HSPG2: variants seen among roughly 807,000 people sequenced by gnomAD.
The protein encoded by HSPG2 is basement membrane-specific heparan sulfate proteoglycan core protein.
HSPG2 carries 278 observed loss-of-function variants against 526.6 expected under a neutral mutation model. The ratio of observed to expected loss-of-function variants is 0.53; its 90% confidence interval spans 0.48 to 0.58. The LOEUF is 0.58. Among genes scored for constraint, HSPG2 ranks in the 20% least tolerant of loss-of-function variants. The pLI, the probability that HSPG2 is intolerant of heterozygous loss-of-function variation, is 0.00. For missense variants in HSPG2, 5,354 were observed against 6,099.5 expected (o/e 0.88, Z 4.07); for synonymous variants, 2,465 against 2,555.4 (o/e 0.96, Z 1.07).
At position 21,854,261 on chromosome 1, in the gene HSPG2, C is replaced by A. The variant is rs749798585; in HGVS notation, c.6371G>T (p.Gly2124Val). 4 of 1,586,924 alleles carry A rather than the reference C, an allele frequency of 2.5e-6. No homozygotes were observed. The highest frequency in any genetic ancestry group is 2.3e-5 in the East Asian group (1 of 43,704). The change falls in exon 50 of 97, where the codon GGC becomes GTC. Residue 2124 changes from glycine (G) to valine (V), a missense_variant. Gly to Val is a moderately radical substitution (Grantham distance 109). Transcript: ENST00000374695. ...CACAGTAATGGAGGCCTCCTTGGGGCCCGATCCATTCTCCACACGGCACAC... is the reference window on the plus strand; with the variant it reads ...CACAGTAATGGAGGCCTCCTTGGGGACCGATCCATTCTCCACACGGCACAC... ...EYVCRVENGSGPKEASITVSV... is the reference protein window; with the variant it reads ...EYVCRVENGSVPKEASITVSV...
At position 21,833,523 on chromosome 1, in the gene HSPG2, C is replaced by A. The variant is rs1169488941; in HGVS notation, c.10922G>T (p.Cys3641Phe). ...CTTGCCCTGGCGGTTAGTGGCGGTGCAGACGTAGGTACCTGCGTCCTGGGG... is the reference window on the plus strand; with the variant it reads ...CTTGCCCTGGCGGTTAGTGGCGGTGAAGACGTAGGTACCTGCGTCCTGGGG... ...VRPQDAGTYV[C>F]TATNRQGKVK... is the part of the protein sequence containing the mutation. The change falls in exon 79 of 97, where the codon TGC becomes TTC. Residue 3641 changes from cysteine (C) to phenylalanine (F), a missense_variant. Transcript: ENST00000374695. The A allele has an allele frequency of 1.2e-6, 2 of 1,613,988 alleles. No homozygotes were observed.
chr1:21,899,787 C>T (rs368453784), intron 1 of HSPG2, among the ~76,000 whole-genome samples: 1 of 152,206 alleles, frequency 6.6e-6, no homozygotes, highest in Admixed American at 6.5e-5. Context: ...CCCCGGGAGA[C>T]GTGTCTGCCC....
At chr1:21,861,534 A>G (rs1051665155) in intron 39 of HSPG2, among the ~76,000 whole-genome samples, 2 of 152,302 alleles carry the variant, frequency 1.3e-5, no homozygotes, top group East Asian at 3.9e-4. Flanking sequence ...AAGCCCAGCT[A>G]AAGTACAGAG....
chr1:21,888,771 G>A (rs751873758), intron 6 of HSPG2: 1 of 1,266,882 alleles, frequency 7.9e-7, no homozygotes, highest in Non-Finnish European at 1.1e-6. Context: ...CGGGAGCTGA[G>A]GGCTGCAGGG....
Position 21,937,195 on chromosome 1 carries a change from G to T in HSPG2, c.23C>A (p.Ala8Glu), listed in dbSNP as rs1431679446. 3.7e-6 allele frequency: 4 copies of T among 1,085,010 alleles called. No homozygotes were observed. Among genetic ancestry groups the T allele is most frequent in the Admixed American group, 7.2e-5 (2 of 27,886 alleles). The allele number at this position is 1,085,010 out of a possible 1,614,324, so 67.2% of individuals were successfully genotyped here. MGWRAAGALLLALLLHGR... is the reference protein window; with the variant it reads MGWRAAGELLLALLLHGR... ...GTGCAGCAGCAGCGCCAGCAGCAGCGCGCCCGCCGCCCGCCACCCCATGGC... is the reference window on the plus strand; with the variant it reads ...GTGCAGCAGCAGCGCCAGCAGCAGCTCGCCCGCCGCCCGCCACCCCATGGC... The change falls in exon 1 of 97, where the codon GCG becomes GAG. Residue 8 changes from alanine (A) to glutamate (E), a missense_variant. Ala to Glu is a moderately radical substitution (Grantham distance 107). Coordinates refer to ENST00000374695, the MANE Select transcript of HSPG2 (RefSeq NM_005529.7).
intron 3 of HSPG2, among the ~76,000 whole-genome samples, chr1:21,892,927 G>A (rs1043949748): frequency 6.6e-6 from 1 of 151,920 alleles, no homozygotes. Flanking sequence ...AAGGACACTG[G>A]TGCAGCCAGC....
chr1:21,914,002 T>C (rs1248735177), intron 1 of HSPG2, among the ~76,000 whole-genome samples: 1 of 152,168 alleles, frequency 6.6e-6, no homozygotes, highest in African/African-American at 2.4e-5. Flanking sequence ...GGCGCTAAGC[T>C]GTGAGTCATT....
intron 17 of HSPG2, 42 bp downstream of exon 17, chr1:21,880,065 T>G: frequency 6.2e-7 from 1 of 1,610,650 alleles, no homozygotes. Context: ...ACATTGTCCC[T>G]TCTCCTATTT....
intron 1 of HSPG2, among the ~76,000 whole-genome samples, chr1:21,931,611 G>A (rs575352361): frequency 7.2e-4 from 109 of 152,268 alleles, no homozygotes; most frequent in African/African-American, 2.2e-3. Context: ...TGGGTGAAGG[G>A]GAGGGGGGCA....
intron 1 of HSPG2, among the ~76,000 whole-genome samples, chr1:21,919,200 C>T (rs976317334): frequency 7.9e-5 from 12 of 152,168 alleles, no homozygotes; most frequent in Non-Finnish European, 1.6e-4. Flanking sequence ...CCAAGGCTGG[C>T]GGATCACTTG....
rs763643693 is a variant in HSPG2, at chr1:21,853,088, G to A, written c.6440-18C>T. 1.2e-6 allele frequency: 2 copies of A among 1,613,436 alleles called. No homozygotes were observed. The highest frequency in any genetic ancestry group is 1.7e-6 in the Non-Finnish European group (2 of 1,179,882). ...GCCGGGCACTGGACACAGAGCGGCT[G>A]CTCAGAGGCCTGAACTCTTGGGCTG... On this transcript the variant is annotated intron_variant, in intron 50 of 96. Transcript: ENST00000374695.
rs776354689 is a variant in HSPG2 at position 21,829,396 on chromosome 1, A to G, written c.11979T>C (p.Tyr3993=). The change falls in exon 87 of 97, where the codon TAT becomes TAC. Residue 3993 remains tyrosine (Y), a synonymous_variant. Coordinates refer to ENST00000374695, the MANE Select transcript of HSPG2 (RefSeq NM_005529.7). ...CTGGGTGCTTACCTGACCCCAACTC[A>G]TAGCGGAACTCCAGGTGGCCGCCCA... The part of the protein sequence containing the change: ...AMVGGHLEFR[Y]ELGSGLAVLR... The G allele has an allele frequency of 1.2e-6, 2 of 1,613,394 alleles. No homozygotes were observed. Among genetic ancestry groups the G allele is most frequent in the Non-Finnish European group, 1.7e-6 (2 of 1,179,924 alleles).
In HSPG2 at chr1:21,823,728, G is replaced by C; in HGVS notation, c.12900-9C>G. On this transcript the variant is annotated splice_polypyrimidine_tract_variant and intron_variant, in intron 95 of 96. Coordinates refer to ENST00000374695, the MANE Select transcript of HSPG2 (RefSeq NM_005529.7). ...AACCTCTGCGGCCCTCCCTGCAGTG[G>C]AACTGGGTCAGGCCCCTTTCCACAA... The C allele has an allele frequency of 1.2e-6, 2 of 1,610,494 alleles. No homozygotes were observed. Among genetic ancestry groups the C allele is most frequent in the Non-Finnish European group, 1.7e-6 (2 of 1,177,640 alleles).
rs1303450899 is a variant in HSPG2, at chr1:21,926,038, C to G, written c.63+11117G>C. On this transcript the variant is annotated intron_variant, in intron 1 of 96. Coordinates refer to ENST00000374695, the MANE Select transcript of HSPG2 (RefSeq NM_005529.7). ...AGAGATGGGGTTTTACCATGTTGGC[C>G]AGGCTGCTCTCGAACTCCTAGCCTC... Among the ~76,000 whole-genome samples, 4 of 152,138 alleles carry G rather than the reference C, an allele frequency of 2.6e-5. No individual in the cohort carries two copies. In the East Asian group the frequency reaches 7.7e-4, roughly 29 times the overall value.
intron 56 of HSPG2, 21 bp downstream of exon 56, chr1:21,850,342 C>T: frequency 1.2e-6 from 2 of 1,602,164 alleles, no homozygotes; most frequent in African/African-American, 1.3e-5. Context: ...CCCAGCCCTG[C>T]CCTCCCTGAG....
intron 1 of HSPG2, among the ~76,000 whole-genome samples, chr1:21,922,564 T>C (rs9426783): frequency 0.22 from 34,182 of 151,990 alleles, 4,207 homozygotes; most frequent in East Asian, 0.43. Context: ...ACTTGAAGTA[T>C]GAAGTAAAGG....
At chr1:21,845,694 A>C (rs2152710319) in intron 64 of HSPG2, among the ~76,000 whole-genome samples, 1 of 152,164 alleles carries the variant, frequency 6.6e-6, no homozygotes, top group Non-Finnish European at 1.5e-5. Flanking sequence ...AAGATGTGTA[A>C]ATCACCCTCC....
intron 37 of HSPG2, among the ~76,000 whole-genome samples, chr1:21,863,192 TGAAA>T (rs1193286065): frequency 1.4e-5 from 2 of 141,832 alleles, no homozygotes; most frequent in Non-Finnish European, 3.0e-5. Context: ...CTGACACAGG[TGAAA>T]CCCCGCCTCT....
At position 21,822,428 on chromosome 1, in the gene HSPG2, TCA is replaced by T. The variant is rs1395347824; in HGVS notation, c.*886_*887del. 8 of 591,224 alleles carry T rather than the reference TCA, an allele frequency of 1.4e-5. No homozygotes were observed. The highest frequency in any genetic ancestry group is 5.7e-5 in the Admixed American group (2 of 34,954). 36.6% of individuals were successfully genotyped at this position (591,224 alleles called of 1,614,324 possible). On this transcript the variant is annotated 3_prime_UTR_variant, in exon 97 of 97. Coordinates refer to ENST00000374695, the MANE Select transcript of HSPG2 (RefSeq NM_005529.7). Reference sequence around the variant, plus strand: ...TGGTCATATCCCCCTCCTCTCTCTCTCAGTCGTGAGTCCTGCCTTCCCCCACC... The same window carrying T: ...TGGTCATATCCCCCTCCTCTCTCTCTGTCGTGAGTCCTGCCTTCCCCCACC...
Sources: gnomAD v4.1 joint callset for allele counts (sites outside exome capture counted in the v4.1 genomes callset) on GRCh38, gnomAD v4.1.1 for gene constraint, MANE v1.5 for transcripts, NCBI Gene and HGNC (gene_info 2026-07-23, HGNC 2026-07-21) for gene names.